CPAMD8: variants seen among roughly 807,000 people sequenced by gnomAD.
CPAMD8 encodes the protein C3 and PZP like alpha-2-macroglobulin domain containing 8.
In CPAMD8, 146 loss-of-function variants were observed where a neutral mutation model predicts 224.7. The ratio of observed to expected loss-of-function variants is 0.65; its 90% confidence interval spans 0.57 to 0.75. CPAMD8 has a LOEUF of 0.75. Among genes scored for constraint, CPAMD8 ranks in the 30% least tolerant of loss-of-function variants. CPAMD8 has a pLI of 0.00. For synonymous variants in CPAMD8, 966 were observed against 1,044.6 expected (o/e 0.92, Z 1.45); for missense variants, 2,301 against 2,537.5 (o/e 0.91, Z 2.00).
intron 27 of CPAMD8, 45 bp downstream of exon 27, chr19:16,921,860 G>A (rs753115864): frequency 1.2e-5 from 16 of 1,300,600 alleles, no homozygotes; most frequent in South Asian, 5.1e-5. Context: ...CCATGGCGTC[G>A]GGCGGGGAGC....
At position 16,899,360 on chromosome 19, in the gene CPAMD8, G is replaced by A; in HGVS notation, c.4848+115C>T. The A allele has an allele frequency of 4.5e-6, 3 of 660,792 alleles. No homozygotes were observed. In the South Asian group the frequency reaches 4.7e-5, roughly 10 times the overall value. The allele number at this position is 660,792 out of a possible 1,614,324, so 40.9% of individuals were successfully genotyped here. ...GCATGAGCCACCATGCCCGGCCCCA[G>A]TGTCTTTTTTATGGTACAAGATACT... On this transcript the variant is annotated intron_variant, in intron 37 of 41. Coordinates refer to ENST00000443236, the MANE Select transcript of CPAMD8 (RefSeq NM_015692.5). The surrounding 1 kb of genome is among the most constrained non-coding windows in gnomAD (Gnocchi z 5.4).
chr19:16,906,700 G>GT (rs1207466772), intron 30 of CPAMD8, among the ~76,000 whole-genome samples: 1 of 151,778 alleles, frequency 6.6e-6, no homozygotes, highest in African/African-American at 2.4e-5. Context: ...CGACTCATCA[G>GT]TTTTTTGTTT....
intron 17 of CPAMD8, among the ~76,000 whole-genome samples, chr19:16,973,065 A>G (rs2055121282): frequency 6.6e-6 from 1 of 152,072 alleles, no homozygotes; most frequent in Non-Finnish European, 1.5e-5. Context: ...GCTACTCAGG[A>G]GGCTGAGGCA....
intron 32 of CPAMD8, 50 bp downstream of exon 32, chr19:16,904,176 A>AGGGCCCCCCCCCC: frequency 7.5e-6 from 7 of 937,332 alleles, no homozygotes; most frequent in Non-Finnish European, 1.2e-5. Flanking sequence ...GACTGCAGGG[A>AGGGCCCCCCCCCC]CCCCACCCAC....
intron 18 of CPAMD8, among the ~76,000 whole-genome samples, chr19:16,962,719 C>T (rs1269141275): frequency 6.6e-6 from 1 of 152,124 alleles, no homozygotes; most frequent in East Asian, 1.9e-4. Context: ...TCAGGAAGAG[C>T]AACCCCAAGA....
chr19:17,017,162 T>C (rs1296595036), intron 3 of CPAMD8, among the ~76,000 whole-genome samples: 3 of 152,176 alleles, frequency 2.0e-5, no homozygotes, highest in Admixed American at 2.0e-4. Flanking sequence ...GAACTGTGCA[T>C]GGGAGGGGTC....
At position 16,980,571 on chromosome 19, in the gene CPAMD8, G is replaced by A. The variant is rs61741485; in HGVS notation, c.1511C>T (p.Thr504Ile). The change falls in exon 14 of 42, where the codon ACC becomes ATC. Residue 504 changes from threonine (T) to isoleucine (I), a missense_variant. By Grantham distance (89) the Thr-to-Ile change is moderately conservative (BLOSUM62 -1). Coordinates refer to ENST00000443236, the MANE Select transcript of CPAMD8 (RefSeq NM_015692.5). Reference sequence around the variant, plus strand: ...CGCCCGCTTGCTTCGCTGCTGGGTGGTGTGGGCAGGCTGCTGGCCCGATAG... The same window carrying A: ...CGCCCGCTTGCTTCGCTGCTGGGTGATGTGGGCAGGCTGCTGGCCCGATAG... ...IVLSGQQPAHTTQQRSKRAAP... is the reference protein window; with the variant it reads ...IVLSGQQPAHITQQRSKRAAP... 10,223 of 1,613,634 alleles carry A rather than the reference G, an allele frequency of 6.3e-3. 166 individuals carry two copies. The highest frequency in any genetic ancestry group is 0.054 in the African/African-American group (4,036 of 74,992).
At chr19:16,916,056 C>T (rs1012026295) in intron 27 of CPAMD8, among the ~76,000 whole-genome samples, 3 of 151,672 alleles carry the variant, frequency 2.0e-5, no homozygotes, top group Non-Finnish European at 4.4e-5. Context: ...GCTCTGTCAC[C>T]CAGGCTGGAG....
intron 3 of CPAMD8, among the ~76,000 whole-genome samples, chr19:17,015,422 T>C (rs1271666631): frequency 1.3e-5 from 2 of 152,068 alleles, no homozygotes; most frequent in Admixed American, 1.3e-4. Context: ...TTCTGCACTG[T>C]CATGACCATT....
At position 16,952,288 on chromosome 19, in the gene CPAMD8, A is replaced by G; in HGVS notation, c.2277-88T>C. ...AGTGGGCATGGATGACCCAGGCTGCATGGCTCAGAGAGGCACCCTAGGAGC... is the reference window on the plus strand; with the variant it reads ...AGTGGGCATGGATGACCCAGGCTGCGTGGCTCAGAGAGGCACCCTAGGAGC... On this transcript the variant is annotated intron_variant, in intron 19 of 41. Coordinates refer to ENST00000443236, the MANE Select transcript of CPAMD8 (RefSeq NM_015692.5). 3.9e-6 allele frequency: 3 copies of G among 771,956 alleles called. No individual in the cohort carries two copies. In the Admixed American group the frequency reaches 7.0e-5, roughly 18 times the overall value. 47.8% of individuals were successfully genotyped at this position (771,956 alleles called of 1,614,324 possible). A position where few individuals can be genotyped will look rare whatever the true frequency, so the allele number is the denominator to read the frequency against.
chr19:16,987,176 A>AAAAAAAAAAAAAAAAAC (rs2055763181), intron 13 of CPAMD8, among the ~76,000 whole-genome samples: 1 of 90,992 alleles, frequency 1.1e-5, no homozygotes, highest in Non-Finnish European at 2.0e-5. Flanking sequence ...AAAAAAAAAA[A>AAAAAAAAAAAAAAAAAC]AAAATATATA....
At chr19:16,973,181 A>C (rs934458676) in intron 17 of CPAMD8, among the ~76,000 whole-genome samples, 3 of 152,100 alleles carry the variant, frequency 2.0e-5, no homozygotes, top group Non-Finnish European at 2.9e-5. Flanking sequence ...AAAAAGAAAA[A>C]TAAGAGATTT....
rs534144363 is a variant in CPAMD8 at position 17,000,517 on chromosome 19, G to C, written c.764C>G (p.Thr255Ser). The change falls in exon 10 of 42, where the codon ACC (threonine) becomes AGC (serine). Residue 255 changes from threonine to serine, a missense_variant. Thr to Ser is a moderately conservative substitution (Grantham distance 58, BLOSUM62 1). This residue lies in a region of CPAMD8 where 8 missense variants were observed against 36.9 expected (regional missense o/e 0.22). Transcript: ENST00000443236. The part of the protein sequence containing the change: ...CETGTVRARY[T>S]FGKPVAGALM... ...GGCACCAGCCACAGGTTTCCCAAAG[G>C]TATACCTGGAACAAAAGGATAAAGC... 3 of 1,272,506 alleles carry C rather than the reference G, an allele frequency of 2.4e-6. No individual in the cohort carries two copies. The African/African-American group carries it at 4.4e-5, about 19-fold the overall frequency. The allele number at this position is 1,272,506 out of a possible 1,614,324, so 78.8% of individuals were successfully genotyped here. A position where few individuals can be genotyped will look rare whatever the true frequency, so the allele number is the denominator to read the frequency against.
rs560224441 is a variant in CPAMD8 at position 16,930,998 on chromosome 19, C to T, written c.2846-1758G>A. Among the ~76,000 whole-genome samples, 18 of 152,318 alleles carry T rather than the reference C, an allele frequency of 1.2e-4. No individual in the cohort carries two copies. The South Asian group carries it at 1.2e-3, about 11-fold the overall frequency. ...GCAGTGAAGCTGCTGCACACTTTCA[C>T]GTGCCCCGAGGGCTAACTCCCCAAC... On this transcript the variant is annotated intron_variant, in intron 23 of 41. Coordinates refer to ENST00000443236, the MANE Select transcript of CPAMD8 (RefSeq NM_015692.5).
chr19:16,911,397 G>C (rs1347171869), intron 29 of CPAMD8, among the ~76,000 whole-genome samples: 3 of 148,036 alleles, frequency 2.0e-5, no homozygotes, highest in Non-Finnish European at 4.5e-5. Flanking sequence ...AGTCTGGCTT[G>C]GTTGCCCAGG....
intron 13 of CPAMD8, among the ~76,000 whole-genome samples, chr19:16,982,652 T>A (rs1416987419): frequency 6.6e-6 from 1 of 151,874 alleles, no homozygotes; most frequent in Non-Finnish European, 1.5e-5. Context: ...CTGAACAACA[T>A]GGCAAAACTC....
intron 24 of CPAMD8, 50 bp from the exon 25 acceptor site, chr19:16,928,284 G>A: frequency 6.7e-7 from 1 of 1,500,818 alleles, no homozygotes; most frequent in Non-Finnish European, 9.2e-7. Context: ...GCAGGCAGTA[G>A]GCACTCAGGT....
At chr19:16,896,057 TG>T (rs1439548461) in intron 41 of CPAMD8, 118 bp downstream of exon 41, 6 of 877,644 alleles carry the variant, frequency 6.8e-6, no homozygotes, top group Admixed American at 5.0e-5. Flanking sequence ...CCACTGCCAG[TG>T]GGGGGTCGGG....
At chr19:16,980,277 C>T (rs760736311) in intron 14 of CPAMD8, among the ~76,000 whole-genome samples, 5 of 152,188 alleles carry the variant, frequency 3.3e-5, no homozygotes, top group Non-Finnish European at 7.3e-5. Context: ...CCTGCACACA[C>T]AGAGTGAGAA....
Sources: gnomAD v4.1 joint callset for allele counts (sites outside exome capture counted in the v4.1 genomes callset) on GRCh38, gnomAD v4.1.1 for gene constraint, gnomAD v4.1.1 regional missense constraint, Gnocchi (gnomAD v3.1) non-coding constraint, MANE v1.5 for transcripts, NCBI Gene and HGNC (gene_info 2026-07-23, HGNC 2026-07-21) for gene names.